Variants in KIF17 observed in about 807,000 individuals in gnomAD.
KIF17 encodes kinesin family member 17.
A neutral mutation model predicts 96.8 loss-of-function variants in KIF17; 80 were observed. The observed-to-expected ratio is 0.83, with a 90% CI of 0.69 to 1.00. KIF17 has a LOEUF of 1.00. KIF17 is among the 50% of genes least tolerant of loss of function. The pLI, the probability that KIF17 is intolerant of heterozygous loss-of-function variation, is 0.00. For missense variants in KIF17, 1,280 were observed against 1,372.9 expected (o/e 0.93, Z 1.07); for synonymous variants, 567 against 587.5 (o/e 0.97, Z 0.51).
At chr1:20,712,559 ATTATAT>A (rs2054457928) in intron 3 of KIF17, among the ~76,000 whole-genome samples, 2 of 101,652 alleles carry the variant, frequency 2.0e-5, no homozygotes, top group Non-Finnish European at 4.1e-5. Flanking sequence ...TATTATCTAT[ATTATAT>A]ATATAGATAA....
In KIF17 at chr1:20,687,678, A is replaced by G. The variant is rs2154536109; in HGVS notation, c.1648T>C (p.Ser550Pro). ...TCCTCAGGCCCAGGGAAAGCCTCGGACACAGAGGTTTCTTCGAGCGAGGAT... is the reference window on the plus strand; with the variant it reads ...TCCTCAGGCCCAGGGAAAGCCTCGGGCACAGAGGTTTCTTCGAGCGAGGAT... ...ESSSLEETSV[S>P]EAFPGPEEPS... Residue 550 changes from serine (S) to proline (P), a missense_variant, in exon 8 of 15, where the codon TCC (serine) becomes CCC (proline). Coordinates refer to ENST00000400463, the MANE Select transcript of KIF17 (RefSeq NM_001122819.3). This position sits in a 1 kb window ranked among gnomAD's most constrained non-coding sequence, Gnocchi z 4.4. The G allele has an allele frequency of 6.2e-7, 1 of 1,614,220 alleles. No individual in the cohort carries two copies. Among genetic ancestry groups the G allele is most frequent in the Non-Finnish European group, 8.5e-7 (1 of 1,180,042 alleles).
chr1:20,706,447 C>T (rs1341581579), intron 4 of KIF17, among the ~76,000 whole-genome samples: 5 of 151,488 alleles, frequency 3.3e-5, no homozygotes, highest in Admixed American at 1.3e-4. Context: ...AAAAATTAGC[C>T]GGGCGTGGTG....
At chr1:20,715,058 G>A (rs1218407785) in intron 2 of KIF17, among the ~76,000 whole-genome samples, 1 of 152,162 alleles carries the variant, frequency 6.6e-6, no homozygotes, top group Non-Finnish European at 1.5e-5. Flanking sequence ...GTCTCAACTT[G>A]GCCAATAAAG....
chr1:20,670,480 C>A lies in KIF17; in HGVS notation c.2731G>T (p.Gly911Trp). The A allele has an allele frequency of 6.2e-7, 1 of 1,614,020 alleles. No homozygotes were observed. Among genetic ancestry groups the A allele is most frequent in the South Asian group, 1.1e-5 (1 of 91,082 alleles). ...TKTSLPVVST[G>W]PQNKPARKTS... ...TTGCGGGCTGGTTTGTTCTGTGGCC[C>A]AGTTGAAACTGCTATGAGAAAACAA... The change falls in exon 13 of 15, where the codon GGG becomes TGG. Residue 911 changes from glycine to tryptophan, a missense_variant. Transcript: ENST00000400463.
chr1:20,705,747 C>T lies in KIF17; in HGVS notation c.671-848G>A, dbSNP rs561146205. 1.7e-4 allele frequency among the ~76,000 whole-genome samples: 26 copies of T among 152,234 alleles called. No individual in the cohort carries two copies. In the South Asian group the frequency reaches 5.2e-3, roughly 30 times the overall value. On this transcript the variant is annotated intron_variant, in intron 4 of 14. Coordinates refer to ENST00000400463, the MANE Select transcript of KIF17 (RefSeq NM_001122819.3). Reference sequence around the variant, plus strand: ...ATCTATCACCAGATGTGCTCTTGCACCCAAACCTTGATGTGATTCTGAGCA... The same window carrying T: ...ATCTATCACCAGATGTGCTCTTGCATCCAAACCTTGATGTGATTCTGAGCA...
intron 2 of KIF17, among the ~76,000 whole-genome samples, chr1:20,714,388 G>T (rs1178797786): frequency 2.0e-5 from 3 of 152,208 alleles, no homozygotes; most frequent in African/African-American, 7.2e-5. Flanking sequence ...TACTCAGGAG[G>T]CTGAGGCATG....
At chr1:20,713,381 T>C in intron 3 of KIF17, 73 bp downstream of exon 3, 2 of 1,093,222 alleles carry the variant, frequency 1.8e-6, no homozygotes, top group South Asian at 2.5e-5. Flanking sequence ...CTTTCCCATA[T>C]TTCTGAGGGA....
chr1:20,706,738 A>C (rs2054349713), intron 4 of KIF17, among the ~76,000 whole-genome samples: 1 of 151,876 alleles, frequency 6.6e-6, no homozygotes, highest in Non-Finnish European at 1.5e-5. Flanking sequence ...AAAGTATAAA[A>C]ATTAGCAGGG....
chr1:20,679,143 C>T (rs2053786212), intron 11 of KIF17, among the ~76,000 whole-genome samples: 1 of 151,972 alleles, frequency 6.6e-6, no homozygotes, highest in African/African-American at 2.4e-5. Flanking sequence ...AAAACCCCTT[C>T]TCTACAAAAC....
chr1:20,681,119 CTG>C (rs1231447880), intron 11 of KIF17, among the ~76,000 whole-genome samples: 1 of 143,634 alleles, frequency 7.0e-6, no homozygotes, highest in East Asian at 2.1e-4. Flanking sequence ...GAGCAAGACT[CTG>C]TCTCAAAAAA....
chr1:20,680,618 A>G (rs1195481469), intron 11 of KIF17, among the ~76,000 whole-genome samples: 1 of 152,206 alleles, frequency 6.6e-6, no homozygotes, highest in Non-Finnish European at 1.5e-5. Context: ...ACATTTGAAT[A>G]AAACGTTCTT....
intron 4 of KIF17, among the ~76,000 whole-genome samples, chr1:20,707,800 T>A (rs953629521): frequency 8.4e-6 from 1 of 119,240 alleles, no homozygotes; most frequent in Non-Finnish European, 1.9e-5. Context: ...TGTGTGTGTG[T>A]GTGTGTGTGT....
intron 4 of KIF17, among the ~76,000 whole-genome samples, chr1:20,708,379 G>C (rs980265064): frequency 6.6e-6 from 1 of 152,096 alleles, no homozygotes; most frequent in Non-Finnish European, 1.5e-5. Context: ...CTGCACCCTC[G>C]GTCTCCCGGG....
intron 7 of KIF17, among the ~76,000 whole-genome samples, chr1:20,689,580 TG>T (rs1469498299): frequency 8.6e-5 from 13 of 152,038 alleles, no homozygotes; most frequent in African/African-American, 2.9e-4. Context: ...AAATCCGGGA[TG>T]GGGAGGTTGC....
In KIF17 at chr1:20,709,813, C is replaced by G. The variant is rs539396446; in HGVS notation, c.496G>C (p.Glu166Gln). Residue 166 changes from glutamate to glutamine, a missense_variant, in exon 4 of 15, where the codon GAG becomes CAG. Transcript: ENST00000400463. The surrounding 1 kb of genome is among the most constrained non-coding windows in gnomAD (Gnocchi z 4.7). ...AGCCCCTTCACGTACACGCCCTTCT[C>G]TGGGTGCTCCTTCAGCTGAGGGAGG... ...KQKLELKEHP[E>Q]KGVYVKGLSM... 162 of 1,610,952 alleles carry G rather than the reference C, an allele frequency of 1.0e-4. 1 individual carries two copies. The South Asian group carries it at 1.7e-3, about 17-fold the overall frequency.
chr1:20,687,534 G>A lies in KIF17; in HGVS notation c.1792C>T (p.Gln598Ter). ...HLLGEQNYLP[Q>*]EEPQEVPLQG... Reference sequence around the variant, plus strand: ...AGGGGCACCTCCTGCGGCTCCTCTTGCGGGAGGTAGTTCTGTTCCCCCAGC... The same window carrying A: ...AGGGGCACCTCCTGCGGCTCCTCTTACGGGAGGTAGTTCTGTTCCCCCAGC... Residue 598 changes from glutamine (Q) to a stop codon, truncating the protein, a stop_gained, in exon 8 of 15, where the codon CAA becomes TAA. Transcript: ENST00000400463. LOFTEE classifies it high-confidence loss of function. This position sits in a 1 kb window ranked among gnomAD's most constrained non-coding sequence, Gnocchi z 4.4. The A allele has an allele frequency of 6.2e-7, 1 of 1,613,440 alleles. No homozygotes were observed. The highest frequency in any genetic ancestry group is 8.5e-7 in the Non-Finnish European group (1 of 1,179,542).
intron 4 of KIF17, among the ~76,000 whole-genome samples, chr1:20,705,503 C>T (rs1023316778): frequency 9.2e-5 from 14 of 152,190 alleles, no homozygotes; most frequent in African/African-American, 1.4e-4. Flanking sequence ...TGCTCTTTTC[C>T]GCTTGCCAGC....
In KIF17 at chr1:20,682,731, C is replaced by A. The variant is rs1202644244; in HGVS notation, c.2385G>T (p.Trp795Cys). Residue 795 changes from tryptophan (W) to cysteine (C), a missense_variant, in exon 11 of 15, where the codon TGG becomes TGT. Transcript: ENST00000400463. ...TGGAGTCGTAGACGTTAAGCAGCAC[C>A]CAGTCCCCGCTGTCCTCATCCGAGT... ...LQNSDEDSGD[W>C]VLLNVYDSIQ... 1 of 1,613,718 alleles carries A rather than the reference C, an allele frequency of 6.2e-7. No individual in the cohort carries two copies. The highest frequency in any genetic ancestry group is 2.2e-5 in the East Asian group (1 of 44,892).
At position 20,690,244 on chromosome 1, in the gene KIF17, C is replaced by T. The variant is rs140125368; in HGVS notation, c.1325G>A (p.Arg442His). 3.6e-4 allele frequency: 582 copies of T among 1,605,158 alleles called. 1 individual carries two copies. Among genetic ancestry groups the T allele is most frequent in the Non-Finnish European group, 4.8e-4 (564 of 1,174,932 alleles). ...ARLEEDITAM[R>H]NSYDVRLSTL... Reference sequence around the variant, plus strand: ...GGACAGCCTGACGTCATATGAGTTGCGCATGGCAGTGATGTCTTCCTCCAG... The same window carrying T: ...GGACAGCCTGACGTCATATGAGTTGTGCATGGCAGTGATGTCTTCCTCCAG... The change falls in exon 7 of 15, where the codon CGC (arginine) becomes CAC (histidine). Residue 442 changes from arginine to histidine, a missense_variant. Arg to His is a conservative substitution (Grantham distance 29). Transcript: ENST00000400463.
Sources: gnomAD v4.1 joint callset for allele counts (sites outside exome capture counted in the v4.1 genomes callset) on GRCh38, gnomAD v4.1.1 for gene constraint, Gnocchi (gnomAD v3.1) non-coding constraint, MANE v1.5 for transcripts, NCBI Gene and HGNC (gene_info 2026-07-23, HGNC 2026-07-21) for gene names.